AGMO: variants seen among roughly 807,000 people sequenced by gnomAD.
The protein encoded by AGMO is alkylglycerol monooxygenase.
AGMO carries 75 observed loss-of-function variants against 60.2 expected under a neutral mutation model. The ratio of observed to expected loss-of-function variants is 1.25; its 90% CI spans 1.03 to 1.51. AGMO has a LOEUF of 1.51. Ranked by LOEUF, AGMO falls within the 40% of genes most tolerant of loss-of-function variation. The pLI is 0.00. For missense variants in AGMO, 763 were observed against 525.5 expected, an observed-to-expected ratio of 1.45 and a Z score of -4.42; for synonymous variants, 261 against 177.1, an observed-to-expected ratio of 1.47 and a Z score of -3.76.
At chr7:15,310,714 A>G (rs1366598678) in intron 12 of AGMO, among the ~76,000 whole-genome samples, 3 of 152,210 alleles carry the variant, frequency 2.0e-5, no homozygotes, top group Non-Finnish European at 4.4e-5. Context: ...ATAGCCACAA[A>G]CTTAATGGCT....
chr7:15,269,858 G>C (rs534341548), intron 12 of AGMO, among the ~76,000 whole-genome samples: 1 of 152,064 alleles, frequency 6.6e-6, no homozygotes, highest in Non-Finnish European at 1.5e-5. Context: ...GAGAACATGT[G>C]GTATTGGAAT....
intron 3 of AGMO, among the ~76,000 whole-genome samples, chr7:15,454,398 C>A (rs551968024): frequency 0.01 from 547 of 52,644 alleles, 3 homozygotes; most frequent in African/African-American, 0.049. Context: ...AACACAAACA[C>A]AAAGTGGCAA....
chr7:15,362,920 T>C (rs935354716), intron 12 of AGMO, among the ~76,000 whole-genome samples: 2 of 152,166 alleles, frequency 1.3e-5, no homozygotes, highest in South Asian at 2.1e-4. Flanking sequence ...TCATTAAGAG[T>C]TATAGTGTCA....
intron 3 of AGMO, among the ~76,000 whole-genome samples, chr7:15,519,874 G>A (rs913316542): frequency 4.0e-5 from 6 of 151,372 alleles, no homozygotes; most frequent in African/African-American, 1.2e-4. Context: ...ATTGGAGAAA[G>A]AGTCAAGGCC....
the AGMO span, among the ~76,000 whole-genome samples, chr7:15,189,414 G>T: frequency 6.6e-6 from 1 of 152,022 alleles, no homozygotes; most frequent in African/African-American, 2.4e-5. Flanking sequence ...GAGCTGGAAA[G>T]AAACTCAACT....
At chr7:15,473,809 T>G (rs1275406040) in intron 3 of AGMO, among the ~76,000 whole-genome samples, 1 of 152,024 alleles carries the variant, frequency 6.6e-6, no homozygotes, top group Non-Finnish European at 1.5e-5. Context: ...TAGAAAACCC[T>G]ATCATTTCAG....
intron 12 of AGMO, among the ~76,000 whole-genome samples, chr7:15,259,630 A>AG (rs1783208789): frequency 1.3e-5 from 2 of 152,198 alleles, no homozygotes; most frequent in South Asian, 4.1e-4. Context: ...GGCAAGACAA[A>AG]GGAAGGAATC....
At chr7:15,199,157 T>A (rs4721417), downstream of AGMO, among the ~76,000 whole-genome samples, 71,020 of 152,066 alleles carry the variant, frequency 0.47, 18,317 homozygotes, top group African/African-American at 0.7. Context: ...TCTCATTGTC[T>A]TAATTTTTTC....
chr7:15,180,950 A>C, the AGMO span, among the ~76,000 whole-genome samples: 1 of 152,090 alleles, frequency 6.6e-6, no homozygotes, highest in Non-Finnish European at 1.5e-5. Flanking sequence ...CTCACAAGCA[A>C]GGGATACATA....
At chr7:15,275,471 T>C (rs1191973678) in intron 12 of AGMO, among the ~76,000 whole-genome samples, 2 of 152,270 alleles carry the variant, frequency 1.3e-5, no homozygotes, top group East Asian at 3.9e-4. Context: ...TCTCATGTGG[T>C]TGACTCTGGA....
intron 3 of AGMO, among the ~76,000 whole-genome samples, chr7:15,448,611 ATTTT>A (rs11330514): frequency 1.7e-3 from 220 of 131,154 alleles, no homozygotes; most frequent in African/African-American, 4.2e-3. Flanking sequence ...ATAAAGTTTA[ATTTT>A]TTTTTTTTTT....
chr7:15,400,650 G>A (rs887340378), intron 5 of AGMO, among the ~76,000 whole-genome samples: 1 of 152,114 alleles, frequency 6.6e-6, no homozygotes, highest in Non-Finnish European at 1.5e-5. Context: ...AGGAATGAAA[G>A]TCCGAGCATG....
chr7:15,228,539 A>G (rs1782156906), intron 12 of AGMO, among the ~76,000 whole-genome samples: 1 of 152,176 alleles, frequency 6.6e-6, no homozygotes, highest in East Asian at 1.9e-4. Context: ...AGAAAATAAA[A>G]TATGAAGGGT....
chr7:15,356,243 G>C (rs919471420), intron 12 of AGMO, among the ~76,000 whole-genome samples: 2 of 152,130 alleles, frequency 1.3e-5, no homozygotes, highest in East Asian at 3.9e-4. Flanking sequence ...ATGTGCACTA[G>C]ATGTGTAGAT....
At chr7:15,198,532 A>T (rs764657421), downstream of AGMO, among the ~76,000 whole-genome samples, 8 of 152,178 alleles carry the variant, frequency 5.3e-5, no homozygotes, top group Non-Finnish European at 1.0e-4. Context: ...AAGACAGGGA[A>T]ATTGTAATAG....
intron 3 of AGMO, among the ~76,000 whole-genome samples, chr7:15,540,369 G>C (rs1304065148): frequency 6.6e-6 from 1 of 152,184 alleles, no homozygotes; most frequent in African/African-American, 2.4e-5. Context: ...TCTTGCCAGA[G>C]GGTGTAGGCT....
intron 3 of AGMO, among the ~76,000 whole-genome samples, chr7:15,461,585 G>T (rs1782143806): frequency 6.6e-6 from 1 of 152,062 alleles, no homozygotes; most frequent in Non-Finnish European, 1.5e-5. Flanking sequence ...GTTCTCATTA[G>T]CATTTATCAA....
In AGMO at chr7:15,361,547, A is replaced by AAAAAAAAAAAAGG. The variant is rs1418068575; in HGVS notation, c.1263+3966_1263+3967insCCTTTTTTTTTTT. On this transcript the variant is annotated intron_variant, in intron 12 of 12. Coordinates refer to ENST00000342526, the MANE Select transcript of AGMO (RefSeq NM_001004320.2). ...AGAGCGAGACTGTGTCTCAAAAAAA[A>AAAAAAAAAAAAGG]AAAAAAAGGTTTTGAGATTTAGATT... Among the ~76,000 whole-genome samples the AAAAAAAAAAAAGG allele has an allele frequency of 1.0e-3, 81 of 79,738 alleles. 8 individuals carry two copies. The East Asian group carries it at 0.032, about 31-fold the overall frequency. The allele number at this position is 79,738 out of a possible 152,430, so 52.3% of individuals were successfully genotyped here.
chr7:15,166,497 T>C, the AGMO span, among the ~76,000 whole-genome samples: 1 of 152,172 alleles, frequency 6.6e-6, no homozygotes, highest in South Asian at 2.1e-4. Flanking sequence ...GTAAGAACTT[T>C]GGCTTTTATT....
Sources: allele counts gnomAD v4.1 joint callset (sites outside exome capture counted in the v4.1 genomes callset), GRCh38; gene constraint gnomAD v4.1.1; transcripts MANE v1.5; gene names NCBI Gene and HGNC (gene_info 2026-07-23, HGNC 2026-07-21).